Variants in C10orf71 observed in about 807,000 individuals in gnomAD.
C10orf71 encodes chromosome 10 open reading frame 71.
For synonymous variants in C10orf71, 758 were observed against 726.3 expected (o/e 1.04, Z -0.70); for missense variants, 1,869 against 1,804.5 (o/e 1.04, Z -0.65).
chr10:49,300,533 C>A (rs1848710028), intron 1 of C10orf71, among the ~76,000 whole-genome samples: 1 of 151,652 alleles, frequency 6.6e-6, no homozygotes, highest in Non-Finnish European at 1.5e-5. Flanking sequence ...CCTTCAGGAC[C>A]AGTGGCTGGC....
Position 49,310,225 on chromosome 10 carries a change from A to G in C10orf71, c.-247-5920A>G, listed in dbSNP as rs569252963. Among the ~76,000 whole-genome samples, 6 of 152,356 alleles carry G rather than the reference A, an allele frequency of 3.9e-5. No individual in the cohort carries two copies. The East Asian group carries it at 1.2e-3, about 29-fold the overall frequency. ...GGACTCATGTTTACAGGCTGAATCA[A>G]AAGTTTCACTTCTGTGGATGTCTGG... On this transcript the variant is annotated intron_variant, in intron 1 of 2. Coordinates refer to ENST00000374144, the MANE Select transcript of C10orf71 (RefSeq NM_001135196.2).
chr10:49,300,082 T>A (rs144308593), intron 1 of C10orf71, among the ~76,000 whole-genome samples: 52 of 152,298 alleles, frequency 3.4e-4, no homozygotes, highest in African/African-American at 1.2e-3. Flanking sequence ...CAGTGGTCAA[T>A]GTGTGTGGAA....
At chr10:49,302,013 G>C (rs972012355) in intron 1 of C10orf71, among the ~76,000 whole-genome samples, 6 of 152,124 alleles carry the variant, frequency 3.9e-5, no homozygotes, top group African/African-American at 1.4e-4. Flanking sequence ...AGGTGGGCTT[G>C]AGCTGCTGAG....
Position 49,322,480 on chromosome 10 carries a change from A to C in C10orf71, c.-66A>C. ...GTTTTGGGGAAGAGGGAAACACCTA[A>C]CCTTGACAGAATCATCACCAGAGAC... On this transcript the variant is annotated 5_prime_UTR_variant, in exon 3 of 3. It removes the in-frame stop codon of an upstream open reading frame in the 5' UTR. Coordinates refer to ENST00000374144, the MANE Select transcript of C10orf71 (RefSeq NM_001135196.2). 1 of 1,490,024 alleles carries C rather than the reference A, an allele frequency of 6.7e-7. No homozygotes were observed. Among genetic ancestry groups the C allele is most frequent in the Non-Finnish European group, 9.0e-7 (1 of 1,115,502 alleles). The allele number at this position is 1,490,024 out of a possible 1,614,324, so 92.3% of individuals were successfully genotyped here.
In C10orf71 at chr10:49,324,996, A is replaced by G; in HGVS notation, c.2451A>G (p.Ala817=). ...VSGGRTRKAS[A]EEANFRGSWI... is the part of the protein sequence containing the mutation. ...GAGGAAGAACCAGGAAGGCATCAGC[A>G]GAGGAAGCTAATTTCAGAGGCTCTT... Residue 817 remains alanine, a synonymous_variant, in exon 3 of 3, where the codon GCA becomes GCG. Transcript: ENST00000374144. The G allele has an allele frequency of 1.3e-6, 2 of 1,551,408 alleles. No individual in the cohort carries two copies. Among genetic ancestry groups the G allele is most frequent in the Non-Finnish European group, 1.7e-6 (2 of 1,146,756 alleles).
intron 2 of C10orf71, among the ~76,000 whole-genome samples, chr10:49,317,537 T>A (rs1421032983): frequency 6.6e-6 from 1 of 152,234 alleles, no homozygotes; most frequent in Non-Finnish European, 1.5e-5. Context: ...TAATCCAGTA[T>A]GACTGGTGTC....
At position 49,323,033 on chromosome 10, in the gene C10orf71, C is replaced by T; in HGVS notation, c.488C>T (p.Thr163Ile). The T allele has an allele frequency of 6.2e-7, 1 of 1,614,026 alleles. No homozygotes were observed. The highest frequency in any genetic ancestry group is 8.5e-7 in the Non-Finnish European group (1 of 1,179,894). ...TESQRCESRP[T>I]ASKPPALKNP... is the part of the protein sequence containing the mutation. Reference sequence around the variant, plus strand: ...AGCCAACGTTGTGAGAGCAGGCCCACTGCCAGCAAGCCTCCGGCTCTGAAA... The same window carrying T: ...AGCCAACGTTGTGAGAGCAGGCCCATTGCCAGCAAGCCTCCGGCTCTGAAA... Residue 163 changes from threonine to isoleucine, a missense_variant, in exon 3 of 3, where the codon ACT (threonine) becomes ATT (isoleucine). By Grantham distance (89) the Thr-to-Ile change is moderately conservative (BLOSUM62 -1). Coordinates refer to ENST00000374144, the MANE Select transcript of C10orf71 (RefSeq NM_001135196.2).
chr10:49,326,828 A>G lies in C10orf71; in HGVS notation c.4283A>G (p.Asp1428Gly), dbSNP rs1849265705. 4 of 1,543,746 alleles carry G rather than the reference A, an allele frequency of 2.6e-6. No individual in the cohort carries two copies. Among genetic ancestry groups the G allele is most frequent in the Non-Finnish European group, 2.6e-6 (3 of 1,144,712 alleles). Residue 1428 changes from aspartate to glycine, a missense_variant, in exon 3 of 3, where the codon GAC becomes GGC. Physicochemically the swap from Asp to Gly is moderately conservative, Grantham distance 94 (BLOSUM62 -1). Transcript: ENST00000374144. Reference protein sequence around the residue: ...LGIISTDDLEDFATEGIS With the variant: ...LGIISTDDLEGFATEGIS ...ATCATCTCCACTGATGACCTAGAGG[A>G]CTTTGCCACAGAAGGCATTTCTTGA... is the stretch of plus-strand genomic sequence containing the variant.
intron 2 of C10orf71, among the ~76,000 whole-genome samples, chr10:49,321,480 A>G (rs4838496): frequency 1 from 152,007 of 152,360 alleles, 75,830 homozygotes; most frequent in Middle Eastern, 1. Flanking sequence ...AATTTTGTTC[A>G]CTTCTCTGTC....
At chr10:49,310,363 C>T (rs1016923586) in intron 1 of C10orf71, among the ~76,000 whole-genome samples, 12 of 152,184 alleles carry the variant, frequency 7.9e-5, no homozygotes, top group South Asian at 4.1e-4. Context: ...GAGCCATAAG[C>T]GGGGCTGGCA....
intron 1 of C10orf71, among the ~76,000 whole-genome samples, chr10:49,314,531 C>A (rs542851704): frequency 1.3e-5 from 2 of 152,330 alleles, no homozygotes; most frequent in African/African-American, 4.8e-5. Context: ...TTCATGCCAG[C>A]AGCAATGTCA....
chr10:49,322,666 T>C lies in C10orf71; in HGVS notation c.121T>C (p.Cys41Arg). The C allele has an allele frequency of 6.2e-7, 1 of 1,613,764 alleles. No homozygotes were observed. Among genetic ancestry groups the C allele is most frequent in the Non-Finnish European group, 8.5e-7 (1 of 1,179,798 alleles). Residue 41 changes from cysteine to arginine, a missense_variant, in exon 3 of 3, where the codon TGC becomes CGC. Coordinates refer to ENST00000374144, the MANE Select transcript of C10orf71 (RefSeq NM_001135196.2). ...SLTDRAFRSL[C>R]ISEDTSFHDS... ...AACAGACCGGGCATTCCGGAGTTTG[T>C]GCATCTCCGAGGACACATCCTTCCA...
intron 2 of C10orf71, among the ~76,000 whole-genome samples, chr10:49,321,191 C>T (rs115505230): frequency 0.014 from 2,080 of 152,182 alleles, 48 homozygotes; most frequent in African/African-American, 0.048. Context: ...ATAACTGAAA[C>T]GTTACTTCCT....
Position 49,325,340 on chromosome 10 carries a change from A to G in C10orf71, c.2795A>G (p.Asn932Ser), listed in dbSNP as rs533351042. The change falls in exon 3 of 3, where the codon AAC (asparagine) becomes AGC (serine). Residue 932 changes from asparagine to serine, a missense_variant. Physicochemically the swap from Asn to Ser is conservative, Grantham distance 46 (BLOSUM62 1). Coordinates refer to ENST00000374144, the MANE Select transcript of C10orf71 (RefSeq NM_001135196.2). Reference sequence around the variant, plus strand: ...GGCACACGTGTGAAGTGCATGGCCAACGAGGTCATGGAGGACCCTGGGCAG... The same window carrying G: ...GGCACACGTGTGAAGTGCATGGCCAGCGAGGTCATGGAGGACCCTGGGCAG... Reference protein sequence around the residue: ...TRGTRVKCMANEVMEDPGQGS... With the variant: ...TRGTRVKCMASEVMEDPGQGS... The G allele has an allele frequency of 1.3e-4, 202 of 1,551,760 alleles. 1 individual carries two copies. The South Asian group carries it at 2.3e-3, about 18-fold the overall frequency.
rs747675510 is a variant in C10orf71, at chr10:49,327,053, C to T, written c.*200C>T. On this transcript the variant is annotated 3_prime_UTR_variant, in exon 3 of 3. Coordinates refer to ENST00000374144, the MANE Select transcript of C10orf71 (RefSeq NM_001135196.2). ...CGACCTCACCCAAAGGGCTCCCTGGCTCTCCTCTGATGGAGGGGCACTGCT... is the reference window on the plus strand; with the variant it reads ...CGACCTCACCCAAAGGGCTCCCTGGTTCTCCTCTGATGGAGGGGCACTGCT... 2.1e-5 allele frequency: 33 copies of T among 1,543,908 alleles called. No individual in the cohort carries two copies. In the East Asian group the frequency reaches 8.2e-4, roughly 38 times the overall value.
chr10:49,323,433 C>T lies in C10orf71; in HGVS notation c.888C>T (p.Thr296=), dbSNP rs372950100. The change falls in exon 3 of 3, where the codon ACC becomes ACT. Residue 296 remains threonine (T), a synonymous_variant. Coordinates refer to ENST00000374144, the MANE Select transcript of C10orf71 (RefSeq NM_001135196.2). ...KLLERKDTAG[T]VPESKAPKHY... is the part of the protein sequence containing the mutation. ...TGGAGAGAAAGGACACAGCTGGAAC[C>T]GTCCCAGAAAGCAAAGCTCCCAAGC... 29 of 1,613,876 alleles carry T rather than the reference C, an allele frequency of 1.8e-5. No homozygotes were observed. In the Middle Eastern group the frequency reaches 8.2e-4, roughly 46 times the overall value.
intron 1 of C10orf71, among the ~76,000 whole-genome samples, chr10:49,304,828 T>G (rs995615854): frequency 6.6e-6 from 1 of 152,246 alleles, no homozygotes; most frequent in African/African-American, 2.4e-5. Context: ...AGTGGGCTTC[T>G]GTCTAGACAA....
At position 49,325,649 on chromosome 10, in the gene C10orf71, T is replaced by A. The variant is rs1329237084; in HGVS notation, c.3104T>A (p.Phe1035Tyr). ...EEQTPGFKSH[F>Y]LSTPRAGPPG... The stretch of plus-strand genomic sequence containing the variant: ...CAAACACCAGGTTTCAAGAGTCACT[T>A]TTTGTCCACACCCAGAGCAGGGCCC... The change falls in exon 3 of 3, where the codon TTT becomes TAT. Residue 1035 changes from phenylalanine (F) to tyrosine (Y), a missense_variant. Coordinates refer to ENST00000374144, the MANE Select transcript of C10orf71 (RefSeq NM_001135196.2). 20 of 1,551,968 alleles carry A rather than the reference T, an allele frequency of 1.3e-5. No individual in the cohort carries two copies. Among genetic ancestry groups the A allele is most frequent in the Non-Finnish European group, 1.7e-5 (19 of 1,147,088 alleles).
rs965632878 is a variant in C10orf71, at chr10:49,326,638, C to A, written c.4093C>A (p.Pro1365Thr). 3 of 1,550,048 alleles carry A rather than the reference C, an allele frequency of 1.9e-6. No individual in the cohort carries two copies. Among genetic ancestry groups the A allele is most frequent in the Non-Finnish European group, 2.6e-6 (3 of 1,146,866 alleles). Residue 1365 changes from proline (P) to threonine (T), a missense_variant, in exon 3 of 3, where the codon CCT becomes ACT. Transcript: ENST00000374144. ...LSAPTFLRQG[P>T]RASAARARTQ... ...CGCGCCCACCTTCCTCAGGCAGGGC[C>A]CTCGTGCCTCCGCGGCCCGCGCCAG... is the stretch of plus-strand genomic sequence containing the variant.
Sources: gnomAD v4.1 joint callset for allele counts (sites outside exome capture counted in the v4.1 genomes callset) on GRCh38, gnomAD v4.1.1 for gene constraint, MANE v1.5 for transcripts, NCBI Gene and HGNC (gene_info 2026-07-23, HGNC 2026-07-21) for gene names.